The following PCDHA4 variants were observed in gnomAD, a reference collection of about 807,000 sequenced individuals.
The protein encoded by PCDHA4 is protocadherin alpha-4.
A neutral mutation model predicts 61.4 loss-of-function variants in PCDHA4; 49 were observed. The ratio of observed to expected loss-of-function variants is 0.80; its 90% confidence interval spans 0.63 to 1.01. The LOEUF (loss-of-function observed/expected upper bound fraction) is 1.01, where lower values mean the gene tolerates loss of function less well. PCDHA4 is among the 50% of genes least tolerant of loss of function. The pLI, the probability that PCDHA4 is intolerant of heterozygous loss-of-function variation, is 0.00. For synonymous variants in PCDHA4, 590 were observed against 550.3 expected, an observed-to-expected ratio of 1.07 and a Z score of -1.01; for missense variants, 1,254 against 1,235.8, an observed-to-expected ratio of 1.01 and a Z score of -0.22.
intron 1 of PCDHA4, among the ~76,000 whole-genome samples, chr5:140,872,205 A>AT (rs1554166067): frequency 6.6e-6 from 1 of 151,936 alleles, no homozygotes; most frequent in Non-Finnish European, 1.5e-5. Context: ...TCATAAATTC[A>AT]TTATATATGA....
chr5:140,955,975 A>G (rs2095244010), intron 1 of PCDHA4, among the ~76,000 whole-genome samples: 1 of 152,112 alleles, frequency 6.6e-6, no homozygotes, highest in Admixed American at 6.6e-5. Flanking sequence ...TAGGAATGCT[A>G]GCAATTTTTG....
intron 1 of PCDHA4, chr5:140,842,088 A>T: frequency 6.2e-7 from 1 of 1,613,938 alleles, no homozygotes. Context: ...GAAAACGCAG[A>T]CAACGGAACA....
Position 140,870,311 on chromosome 5 carries a change from A to C in PCDHA4, c.2385+60739A>C, listed in dbSNP as rs143855054. The C allele has an allele frequency of 1.9e-6, 3 of 1,614,154 alleles. No homozygotes were observed. In the African/African-American group the frequency reaches 4.0e-5, roughly 22 times the overall value. On this transcript the variant is annotated intron_variant, in intron 1 of 3. Transcript: ENST00000530339. ...AAGCTGGTGTCCACCTTCAAGAATT[A>C]CTACTCGTTGGTGCTGGACAGCGCC...
rs2098423512 is a variant in PCDHA4 at position 141,012,298 on chromosome 5, T to A, written c.*2361T>A. On this transcript the variant is annotated 3_prime_UTR_variant, in exon 4 of 4. Transcript: ENST00000530339. ...ATGTGGATTCATTTTGAATTGGTGC[T>A]ATTGGTATTTCCTCTGTTATTGCTA... is the stretch of plus-strand genomic sequence containing the variant. The A allele has an allele frequency of 6.5e-6, 1 of 153,804 alleles. No individual in the cohort carries two copies. Among genetic ancestry groups the A allele is most frequent in the Non-Finnish European group, 1.5e-5 (1 of 68,048 alleles). 9.5% of individuals were successfully genotyped at this position (153,804 alleles called of 1,614,324 possible). A position where few individuals can be genotyped will look rare whatever the true frequency, so the allele number is the denominator to read the frequency against.
Position 140,857,049 on chromosome 5 carries a change from C to T in PCDHA4, c.2385+47477C>T, listed in dbSNP as rs1390810771. On this transcript the variant is annotated intron_variant, in intron 1 of 3. Coordinates refer to ENST00000530339, the MANE Select transcript of PCDHA4 (RefSeq NM_018907.4). ...AACCCACCTATGGTTGGTCACTGCA[C>T]GGTCCTAGTGGAACTACTGGATGAA... 3.1e-6 allele frequency: 5 copies of T among 1,595,184 alleles called. No homozygotes were observed. In the African/African-American group the frequency reaches 5.4e-5, roughly 17 times the overall value.
At chr5:140,867,777 A>C (rs1477276984) in intron 1 of PCDHA4, 1 of 152,128 alleles carries the variant, frequency 6.6e-6, no homozygotes, top group Non-Finnish European at 1.5e-5. Context: ...CTCATAAGCA[A>C]TTCCTGTATT....
intron 1 of PCDHA4, among the ~76,000 whole-genome samples, chr5:140,915,886 T>G (rs1259377999): frequency 2.6e-5 from 4 of 152,186 alleles, no homozygotes; most frequent in Admixed American, 6.5e-5. Flanking sequence ...GGGTAGCAAG[T>G]TCCCCCTGGC....
intron 1 of PCDHA4, chr5:140,882,353 G>A (rs782054546): frequency 2.5e-6 from 4 of 1,614,174 alleles, no homozygotes; most frequent in Non-Finnish European, 3.4e-6. Flanking sequence ...GACGGGTAGT[G>A]GCCAGCTCCA....
In PCDHA4 at chr5:140,841,967, G is replaced by T. The variant is rs1270523059; in HGVS notation, c.2385+32395G>T. On this transcript the variant is annotated intron_variant, in intron 1 of 3. Coordinates refer to ENST00000530339, the MANE Select transcript of PCDHA4 (RefSeq NM_018907.4). Reference sequence around the variant, plus strand: ...GCACCACTTATTCCTGACAGCCACAGATGGGGGCAAACCTGAGCTCACAGG... The same window carrying T: ...GCACCACTTATTCCTGACAGCCACATATGGGGGCAAACCTGAGCTCACAGG... The T allele has an allele frequency of 4.3e-6, 7 of 1,613,816 alleles. No homozygotes were observed. The Admixed American group carries it at 1.2e-4, about 27-fold the overall frequency.
chr5:141,002,442 A>G (rs1177854570), intron 3 of PCDHA4, among the ~76,000 whole-genome samples: 3 of 152,218 alleles, frequency 2.0e-5, no homozygotes, highest in Non-Finnish European at 4.4e-5. Context: ...AACCATAATA[A>G]TTGGCACATT....
At chr5:140,869,617 C>T (rs782525218) in intron 1 of PCDHA4, 3 of 1,613,828 alleles carry the variant, frequency 1.9e-6, no homozygotes, top group Non-Finnish European at 2.5e-6. Context: ...GACCTACAGG[C>T]TAAGTAAAAA....
chr5:140,869,136 C>T (rs1554162510), intron 1 of PCDHA4: 5 of 1,613,054 alleles, frequency 3.1e-6, no homozygotes, highest in South Asian at 1.1e-5. Context: ...GATTGGGCAC[C>T]CCACGACTAC....
intron 1 of PCDHA4, chr5:140,966,973 G>C (rs782189736): frequency 6.2e-7 from 1 of 1,602,934 alleles, no homozygotes; most frequent in Non-Finnish European, 8.5e-7. Context: ...GGCTTGAGCT[G>C]CGGCGCTTGG....
At chr5:140,927,848 G>C (rs1295513512) in intron 1 of PCDHA4, 1 of 1,614,180 alleles carries the variant, frequency 6.2e-7, no homozygotes, top group African/African-American at 1.3e-5. Flanking sequence ...GGTGTCTTTG[G>C]TTTAGCTAGC....
At chr5:140,902,677 G>A (rs1457054226) in intron 1 of PCDHA4, among the ~76,000 whole-genome samples, 6 of 151,960 alleles carry the variant, frequency 3.9e-5, no homozygotes, top group Non-Finnish European at 5.9e-5. Flanking sequence ...AGTGTACACC[G>A]TACCTAATAT....
chr5:140,837,661 T>C (rs1775184635), intron 1 of PCDHA4, among the ~76,000 whole-genome samples: 1 of 151,786 alleles, frequency 6.6e-6, no homozygotes, highest in East Asian at 1.9e-4. Flanking sequence ...TCCTTTTTCT[T>C]TCATTCTTTT....
At chr5:140,998,722 G>A (rs572133347) in intron 3 of PCDHA4, among the ~76,000 whole-genome samples, 4 of 152,002 alleles carry the variant, frequency 2.6e-5, no homozygotes, top group Non-Finnish European at 4.4e-5. Flanking sequence ...GCACCACCAC[G>A]CTAGGCTAAT....
At chr5:140,913,759 G>A (rs782668286) in intron 1 of PCDHA4, among the ~76,000 whole-genome samples, 1 of 151,994 alleles carries the variant, frequency 6.6e-6, no homozygotes, top group African/African-American at 2.4e-5. Context: ...GTATCTCATA[G>A]GTTTTGGCAT....
intron 1 of PCDHA4, among the ~76,000 whole-genome samples, chr5:140,923,350 A>G (rs2081329332): frequency 6.6e-6 from 1 of 152,092 alleles, no homozygotes; most frequent in Non-Finnish European, 1.5e-5. Flanking sequence ...ACATAGTGGG[A>G]CCCTATCTTT....
Sources: gnomAD v4.1 joint callset for allele counts (sites outside exome capture counted in the v4.1 genomes callset) on GRCh38, gnomAD v4.1.1 for gene constraint, MANE v1.5 for transcripts, NCBI Gene and HGNC (gene_info 2026-07-23, HGNC 2026-07-21) for gene names.